The following UBE2E2 variants were observed in gnomAD, a reference collection of about 807,000 sequenced individuals.
The protein encoded by UBE2E2 is ubiquitin-conjugating enzyme E2 E2.
UBE2E2 carries 6 observed loss-of-function variants against 24.7 expected under a neutral mutation model. The observed-to-expected ratio is 0.24, with a 90% CI of 0.13 to 0.48. UBE2E2 has a LOEUF of 0.48. Ranked by LOEUF, UBE2E2 falls within the 20% of genes least tolerant of loss-of-function variation. The pLI is 0.99. For synonymous variants in UBE2E2, 104 were observed against 83.6 expected (o/e 1.24, Z -1.33); for missense variants, 169 against 245.0 (o/e 0.69, Z 2.07).
chr3:23,515,772 C>T (rs10212447), intron 4 of UBE2E2, among the ~76,000 whole-genome samples: 1,688 of 145,278 alleles, frequency 0.012, 24 homozygotes, highest in African/African-American at 0.039. Context: ...GCCTGGACAA[C>T]ATAGTGAGAT....
intron 4 of UBE2E2, among the ~76,000 whole-genome samples, chr3:23,527,503 G>A (rs543473625): frequency 1.3e-5 from 2 of 152,298 alleles, no homozygotes; most frequent in African/African-American, 2.4e-5. Context: ...GAAATGTTAA[G>A]TGTCTTCTGA....
At position 23,582,891 on chromosome 3, in the gene UBE2E2, G is replaced by GTGTGTGTGTGTGTGTGTGTGTA. The variant is rs1553622745; in HGVS notation, c.509-6840_509-6839insGTGTGTGTGTGTGTGTGTATGT. On this transcript the variant is annotated intron_variant, in intron 5 of 5. Transcript: ENST00000396703. ...TGTGTGTGTGTGTGTGTGTGTGTGTGTGTTGTGTGTTTGTTTGCTGTGCAG... is the reference window on the plus strand; with the variant it reads ...TGTGTGTGTGTGTGTGTGTGTGTGTGTGTGTGTGTGTGTGTGTGTGTATGTTGTGTGTTTGTTTGCTGTGCAG... Among the ~76,000 whole-genome samples the GTGTGTGTGTGTGTGTGTGTGTA allele has an allele frequency of 1.5e-3, 225 of 148,720 alleles. 3 individuals are homozygous for GTGTGTGTGTGTGTGTGTGTGTA. Among genetic ancestry groups the GTGTGTGTGTGTGTGTGTGTGTA allele is most frequent in the African/African-American group, 5.3e-3 (211 of 39,872 alleles).
intron 3 of UBE2E2, among the ~76,000 whole-genome samples, chr3:23,315,497 C>G (rs908810948): frequency 3.9e-5 from 6 of 152,084 alleles, no homozygotes; most frequent in Non-Finnish European, 7.4e-5. Flanking sequence ...TTTGATGTAT[C>G]TGATAGGATT....
chr3:23,325,222 T>G (rs1694850918), intron 3 of UBE2E2, among the ~76,000 whole-genome samples: 1 of 151,728 alleles, frequency 6.6e-6, no homozygotes, highest in Non-Finnish European at 1.5e-5. Context: ...TATTGTGTGT[T>G]TTTTTTTCCT....
chr3:23,257,512 G>GCCC (rs5847227), intron 3 of UBE2E2, among the ~76,000 whole-genome samples: 32 of 31,142 alleles, frequency 1.0e-3, no homozygotes, highest in Non-Finnish European at 1.2e-3. Context: ...TGTTTCCCGT[G>GCCC]CCCCCCCCCC....
intron 1 of UBE2E2, among the ~76,000 whole-genome samples, chr3:23,205,598 A>T (rs749695119): frequency 2.6e-5 from 4 of 152,182 alleles, no homozygotes; most frequent in Admixed American, 2.0e-4. Context: ...TGAAAAAGAG[A>T]TGTGAAAACT....
At chr3:23,547,795 T>C (rs961465443) in intron 5 of UBE2E2, among the ~76,000 whole-genome samples, 1 of 152,208 alleles carries the variant, frequency 6.6e-6, no homozygotes, top group Non-Finnish European at 1.5e-5. Flanking sequence ...CACATTCTTT[T>C]TTCAGGTCAT....
chr3:23,452,325 T>C (rs991676647), intron 3 of UBE2E2, among the ~76,000 whole-genome samples: 4 of 152,178 alleles, frequency 2.6e-5, no homozygotes, highest in African/African-American at 7.2e-5. Flanking sequence ...CATAAACAGG[T>C]GCAATTTTTA....
chr3:23,287,145 G>A (rs1340307268), intron 3 of UBE2E2, among the ~76,000 whole-genome samples: 1 of 152,088 alleles, frequency 6.6e-6, no homozygotes, highest in African/African-American at 2.4e-5. Context: ...ATGAAGGGAT[G>A]TTGAATTTTA....
intron 3 of UBE2E2, among the ~76,000 whole-genome samples, chr3:23,387,725 A>G (rs1696835634): frequency 6.6e-6 from 1 of 152,324 alleles, no homozygotes; most frequent in Middle Eastern, 3.4e-3. Context: ...CTGACAGGCC[A>G]TTGAAAATAA....
rs186684652 is a variant in UBE2E2, at chr3:23,493,325, A to G, written c.228-6283A>G. Among the ~76,000 whole-genome samples, 787 of 152,306 alleles carry G rather than the reference A, an allele frequency of 5.2e-3. 2 individuals are homozygous for G. The highest frequency in any genetic ancestry group is 9.1e-3 in the Non-Finnish European group (621 of 68,024). On this transcript the variant is annotated intron_variant, in intron 3 of 5. Coordinates refer to ENST00000396703, the MANE Select transcript of UBE2E2 (RefSeq NM_152653.4). ...ATTTTCATGATTTTTATTGCATGTA[A>G]TATTTCAGCTGTACATAGGGGCTCA...
At chr3:23,209,081 A>G (rs1282161081) in intron 2 of UBE2E2, among the ~76,000 whole-genome samples, 2 of 152,230 alleles carry the variant, frequency 1.3e-5, no homozygotes, top group African/African-American at 4.8e-5. Context: ...AGGCAAATTC[A>G]TAACATACAT....
chr3:23,260,489 A>G (rs1168243760), intron 3 of UBE2E2, among the ~76,000 whole-genome samples: 1 of 152,138 alleles, frequency 6.6e-6, no homozygotes, highest in East Asian at 1.9e-4. Context: ...ATCTCATGTG[A>G]TATTGTCCCT....
intron 3 of UBE2E2, among the ~76,000 whole-genome samples, chr3:23,497,707 A>G (rs561303733): frequency 5.3e-5 from 8 of 152,314 alleles, no homozygotes; most frequent in African/African-American, 1.4e-4. Context: ...TAATTTTTCA[A>G]TATTTCTAGG....
At chr3:23,534,580 A>C (rs780612071) in intron 5 of UBE2E2, among the ~76,000 whole-genome samples, 31 of 152,176 alleles carry the variant, frequency 2.0e-4, no homozygotes, top group Non-Finnish European at 4.3e-4. Context: ...ATAAAAATAA[A>C]GTTTCCTAAT....
chr3:23,426,413 A>C (rs1325945846), intron 3 of UBE2E2, among the ~76,000 whole-genome samples: 1 of 112,124 alleles, frequency 8.9e-6, no homozygotes, highest in African/African-American at 3.7e-5. Context: ...CATTAGGATA[A>C]ATGCAAAAAA....
chr3:23,470,061 G>C (rs1169493109), intron 3 of UBE2E2, among the ~76,000 whole-genome samples: 4 of 152,188 alleles, frequency 2.6e-5, no homozygotes, highest in Admixed American at 2.0e-4. Flanking sequence ...GAAGACTTAA[G>C]AGCATTGCAG....
intron 3 of UBE2E2, among the ~76,000 whole-genome samples, chr3:23,348,434 G>T (rs1002963287): frequency 1.3e-5 from 2 of 151,498 alleles, no homozygotes; most frequent in African/African-American, 2.4e-5. Flanking sequence ...TTGTGAATTA[G>T]AAAGTAGATT....
chr3:23,382,284 C>T (rs894391431), intron 3 of UBE2E2, among the ~76,000 whole-genome samples: 32 of 145,738 alleles, frequency 2.2e-4, no homozygotes, highest in African/African-American at 7.9e-4. Flanking sequence ...CGGGTTCAAG[C>T]GATTCTCCTG....
Sources: allele counts gnomAD v4.1 joint callset (sites outside exome capture counted in the v4.1 genomes callset), GRCh38; gene constraint gnomAD v4.1.1; transcripts MANE v1.5; gene names NCBI Gene and HGNC (gene_info 2026-07-23, HGNC 2026-07-21).